The following AGBL2 variants were observed in gnomAD, a reference collection of about 807,000 sequenced individuals.
AGBL2 encodes cytosolic carboxypeptidase 2.
In AGBL2, 87 loss-of-function variants were observed where a neutral mutation model predicts 103.0. The ratio of observed to expected loss-of-function variants is 0.84; its 90% CI spans 0.71 to 1.01. The LOEUF (loss-of-function observed/expected upper bound fraction) is 1.01, where lower values mean the gene tolerates loss of function less well. AGBL2 is among the 50% of genes least tolerant of loss of function. The probability of loss-of-function intolerance (pLI) is 0.00; values close to 1 mark genes in which losing one functional copy is unlikely to be tolerated. For synonymous variants in AGBL2, 335 were observed against 356.7 expected, an observed-to-expected ratio of 0.94 and a Z score of 0.69; for missense variants, 904 against 1,023.5, an observed-to-expected ratio of 0.88 and a Z score of 1.59.
At chr11:47,661,026 G>C (rs926188727) in intron 18 of AGBL2, among the ~76,000 whole-genome samples, 21 of 151,986 alleles carry the variant, frequency 1.4e-4, no homozygotes, top group African/African-American at 4.8e-4. Context: ...CCACATCTCT[G>C]TTACACAAGT....
At chr11:47,660,568 T>TC (rs1244057222) in intron 18 of AGBL2, among the ~76,000 whole-genome samples, 3 of 151,748 alleles carry the variant, frequency 2.0e-5, no homozygotes, top group Non-Finnish European at 4.4e-5. Flanking sequence ...TTTTTTTTTT[T>TC]TTTGAGATGG....
chr11:47,710,830 A>G (rs902581385), intron 3 of AGBL2: 18 of 473,076 alleles, frequency 3.8e-5, no homozygotes, highest in African/African-American at 3.4e-4. Context: ...AATGATAGCC[A>G]AAGGCTGGGA....
chr11:47,706,306 G>C (rs1391312729), intron 4 of AGBL2, among the ~76,000 whole-genome samples: 2 of 152,022 alleles, frequency 1.3e-5, no homozygotes, highest in African/African-American at 2.4e-5. Flanking sequence ...CACGAGGTCA[G>C]GAGATCGAGA....
At chr11:47,678,357 G>A (rs555713800) in intron 13 of AGBL2, among the ~76,000 whole-genome samples, 41 of 90,070 alleles carry the variant, frequency 4.6e-4, no homozygotes, top group Admixed American at 7.7e-4. Flanking sequence ...TTTTTGAGAC[G>A]GAGTCTTGCT....
Position 47,677,413 on chromosome 11 carries a change from A to G in AGBL2, c.2017-12T>C. 2 of 1,464,232 alleles carry G rather than the reference A, an allele frequency of 1.4e-6. No homozygotes were observed. The highest frequency in any genetic ancestry group is 1.8e-6 in the Non-Finnish European group (2 of 1,108,588). The allele number at this position is 1,464,232 out of a possible 1,614,324, so 90.7% of individuals were successfully genotyped here. On this transcript the variant is annotated splice_polypyrimidine_tract_variant and intron_variant, in intron 13 of 18. Transcript: ENST00000525123. ...AGACACTGAGTGAACTATGAAAGTGAAAAAAAGAACTATTTTGTTAATTCA... is the reference window on the plus strand; with the variant it reads ...AGACACTGAGTGAACTATGAAAGTGGAAAAAAGAACTATTTTGTTAATTCA...
At chr11:47,693,299 C>A (rs920721148) in intron 8 of AGBL2, among the ~76,000 whole-genome samples, 8 of 152,070 alleles carry the variant, frequency 5.3e-5, no homozygotes, top group African/African-American at 1.9e-4. Flanking sequence ...GTAGCCTGGA[C>A]TACAGGCGTG....
intron 16 of AGBL2, 30 bp from the exon 17 acceptor site, chr11:47,667,093 C>T: frequency 7.0e-7 from 1 of 1,436,192 alleles, no homozygotes; most frequent in Non-Finnish European, 9.5e-7. Context: ...GAATCTTTTT[C>T]AATTGATCTA....
chr11:47,707,429 C>CA lies in AGBL2; in HGVS notation c.233-1513dup, dbSNP rs1431777008. Among the ~76,000 whole-genome samples, 6 of 152,242 alleles carry CA rather than the reference C, an allele frequency of 3.9e-5. No individual in the cohort carries two copies. In the South Asian group the frequency reaches 6.2e-4, roughly 16 times the overall value. ...AATCATGGCAGAAGGCAAGGAGGAG[C>CA]AAGTCATGTCTTAAATAAATGGCAC... On this transcript the variant is annotated intron_variant, in intron 4 of 18. Transcript: ENST00000525123.
intron 10 of AGBL2, among the ~76,000 whole-genome samples, chr11:47,686,821 T>A (rs1460989999): frequency 6.6e-6 from 1 of 151,616 alleles, no homozygotes; most frequent in Non-Finnish European, 1.5e-5. Context: ...TAGCTAGGTG[T>A]TGTGGTGCAT....
chr11:47,673,343 T>C (rs2097363040), intron 14 of AGBL2, among the ~76,000 whole-genome samples: 1 of 151,506 alleles, frequency 6.6e-6, no homozygotes, highest in Admixed American at 6.6e-5. Flanking sequence ...AAAAATTAGA[T>C]GGCCGGGCGC....
In AGBL2 at chr11:47,682,090, A is replaced by T. The variant is rs1231727993; in HGVS notation, c.1794T>A (p.Ser598=). 1 of 1,613,536 alleles carries T rather than the reference A, an allele frequency of 6.2e-7. No individual in the cohort carries two copies. Among genetic ancestry groups the T allele is most frequent in the South Asian group, 1.1e-5 (1 of 90,970 alleles). ...MLCKNAPDKF[S]FHSCNFKVQK... Reference sequence around the variant, plus strand: ...GGACCTTAAAATTACAACTGTGAAAAGAGAACTAAAAAGAAATCCAAATTT... The same window carrying T: ...GGACCTTAAAATTACAACTGTGAAATGAGAACTAAAAAGAAATCCAAATTT... The change falls in exon 12 of 19, where the codon TCT becomes TCA. Residue 598 remains serine (S), a synonymous_variant. Transcript: ENST00000525123.
intron 12 of AGBL2, among the ~76,000 whole-genome samples, chr11:47,680,278 C>T (rs1331935174): frequency 3.3e-5 from 5 of 151,638 alleles, no homozygotes; most frequent in Admixed American, 3.3e-4. Context: ...GGTGAAAGCT[C>T]GTCTCTACTA....
At chr11:47,711,587 G>T (rs749915465) in intron 3 of AGBL2, among the ~76,000 whole-genome samples, 2 of 152,196 alleles carry the variant, frequency 1.3e-5, no homozygotes, top group African/African-American at 2.4e-5. Flanking sequence ...AATCTGGAGT[G>T]CAGTAGCGCA....
chr11:47,706,808 G>T (rs985643913), intron 4 of AGBL2, among the ~76,000 whole-genome samples: 1 of 150,602 alleles, frequency 6.6e-6, no homozygotes, highest in Non-Finnish European at 1.5e-5. Flanking sequence ...CAGCACTTTG[G>T]GAGGCCAAGG....
At chr11:47,694,828 A>AG (rs2097460930) in intron 8 of AGBL2, among the ~76,000 whole-genome samples, 2 of 152,114 alleles carry the variant, frequency 1.3e-5, no homozygotes, top group Non-Finnish European at 2.9e-5. Flanking sequence ...AGGCAGGGGA[A>AG]TGGGGAATAG....
chr11:47,696,377 C>G (rs1211758626), intron 8 of AGBL2, among the ~76,000 whole-genome samples: 1 of 151,930 alleles, frequency 6.6e-6, no homozygotes, highest in East Asian at 1.9e-4. Context: ...ATTCTCCTGC[C>G]TCAGCCTCCC....
chr11:47,704,849 T>C (rs923711494), intron 6 of AGBL2, 121 bp from the exon 7 acceptor site: 1 of 718,654 alleles, frequency 1.4e-6, no homozygotes, highest in African/African-American at 1.8e-5. Flanking sequence ...AGATATGTGA[T>C]TCTCTGACAT....
chr11:47,681,227 C>T (rs998230526), intron 12 of AGBL2, among the ~76,000 whole-genome samples: 2 of 151,384 alleles, frequency 1.3e-5, no homozygotes, highest in African/African-American at 4.9e-5. Context: ...AGCTACACGA[C>T]GGGCTAAGGT....
chr11:47,681,988 G>T lies in AGBL2; in HGVS notation c.1896C>A (p.Thr632=), dbSNP rs1323340073. The change falls in exon 12 of 19, where the codon ACC becomes ACA. Residue 632 remains threonine, a synonymous_variant. Coordinates refer to ENST00000525123, the MANE Select transcript of AGBL2 (RefSeq NM_024783.4). ...GILNSYTMES[T]FGGSTLGNKR... is the part of the protein sequence containing the mutation. ...ATGTACCCAGGGTGGACCCGCCAAA[G>T]GTAGACTCCATGGTGTAGCTGTTTA... 1.2e-5 allele frequency: 20 copies of T among 1,613,938 alleles called. No individual in the cohort carries two copies. Among genetic ancestry groups the T allele is most frequent in the Non-Finnish European group, 1.7e-5 (20 of 1,180,028 alleles).
Sources: allele counts gnomAD v4.1 joint callset (sites outside exome capture counted in the v4.1 genomes callset), GRCh38; gene constraint gnomAD v4.1.1; transcripts MANE v1.5; gene names NCBI Gene and HGNC (gene_info 2026-07-23, HGNC 2026-07-21).